Variants in MAP3K13 observed in about 807,000 individuals in gnomAD.
MAP3K13 encodes the protein leucine zipper-bearing kinase.
Under a neutral mutation model 104.0 loss-of-function variants are expected in MAP3K13, and 52 were observed. The observed-to-expected ratio is 0.50, with a 90% confidence interval of 0.40 to 0.63. The LOEUF (loss-of-function observed/expected upper bound fraction) is 0.63, where lower values mean the gene tolerates loss of function less well. Among genes scored for constraint, MAP3K13 ranks in the 20% least tolerant of loss-of-function variants. The pLI is 0.00. For missense variants in MAP3K13, 914 were observed against 1,218.5 expected, an observed-to-expected ratio of 0.75 and a Z score of 3.72; for synonymous variants, 394 against 442.2, an observed-to-expected ratio of 0.89 and a Z score of 1.37.
Position 185,434,843 on chromosome 3 carries a change from T to G in MAP3K13, c.476-2604T>G, listed in dbSNP as rs146112621. Among the ~76,000 whole-genome samples, 1,177 of 152,298 alleles carry G rather than the reference T, an allele frequency of 7.7e-3. 14 individuals carry two copies. Among genetic ancestry groups the G allele is most frequent in the African/African-American group, 0.026 (1,098 of 41,560 alleles). On this transcript the variant is annotated intron_variant, in intron 2 of 13. Coordinates refer to ENST00000265026, the MANE Select transcript of MAP3K13 (RefSeq NM_004721.5). ...CAGTCTAATTTTAGTAGTTATTTTA[T>G]TAAAAATTAGGGTAATTTGGGCTTG...
intron 2 of MAP3K13, among the ~76,000 whole-genome samples, chr3:185,344,127 T>C: frequency 6.6e-6 from 1 of 152,262 alleles, no homozygotes; most frequent in Non-Finnish European, 1.5e-5. Flanking sequence ...TTTGCATATG[T>C]TGATGGAGTA....
chr3:185,320,880 C>G (rs1236387458), intron 2 of MAP3K13, among the ~76,000 whole-genome samples: 2 of 152,226 alleles, frequency 1.3e-5, no homozygotes, highest in Middle Eastern at 3.4e-3. Flanking sequence ...ATACTGTGTA[C>G]TACACTTAAG....
intron 2 of MAP3K13, among the ~76,000 whole-genome samples, chr3:185,348,714 C>A (rs943946899): frequency 6.6e-6 from 1 of 152,046 alleles, no homozygotes; most frequent in Non-Finnish European, 1.5e-5. Flanking sequence ...ATCAAGAGAT[C>A]GAGACCATCC....
intron 1 of MAP3K13, among the ~76,000 whole-genome samples, chr3:185,388,467 A>G (rs1360243515): frequency 6.6e-6 from 1 of 152,140 alleles, no homozygotes; most frequent in Non-Finnish European, 1.5e-5. Context: ...ACAGCACTGC[A>G]CTCCAGCCTA....
intron 1 of MAP3K13, among the ~76,000 whole-genome samples, chr3:185,397,441 A>T (rs1203618815): frequency 6.6e-6 from 1 of 152,174 alleles, no homozygotes; most frequent in Non-Finnish European, 1.5e-5. Flanking sequence ...AAATCATTAA[A>T]CTACAAAATT....
chr3:185,477,870 G>C (rs546085962), intron 12 of MAP3K13, among the ~76,000 whole-genome samples: 2 of 152,258 alleles, frequency 1.3e-5, no homozygotes, highest in Admixed American at 6.5e-5. Context: ...CTGGCTTGCA[G>C]ACAGCCACCT....
At position 185,454,652 on chromosome 3, in the gene MAP3K13, TATATATATG is replaced by T. The variant is rs1560117150; in HGVS notation, c.1278+3268_1278+3276del. Among the ~76,000 whole-genome samples the T allele has an allele frequency of 5.3e-3, 209 of 39,326 alleles. 29 individuals carry two copies. Among genetic ancestry groups the T allele is most frequent in the African/African-American group, 0.014 (202 of 13,932 alleles). 25.8% of individuals were successfully genotyped at this position (39,326 alleles called of 152,430 possible). ...ATATATATATGAGATATATATATGA[TATATATATG>T]ATATATATGAGATATTTATATGATA... On this transcript the variant is annotated intron_variant, in intron 7 of 13. Transcript: ENST00000265026.
At chr3:185,295,280 A>C (rs1720880245) in intron 2 of MAP3K13, among the ~76,000 whole-genome samples, 1 of 152,028 alleles carries the variant, frequency 6.6e-6, no homozygotes. Flanking sequence ...ATCTTGGCTC[A>C]CTGCAACCTC....
At chr3:185,479,771 A>C (rs2148929821) in intron 12 of MAP3K13, among the ~76,000 whole-genome samples, 1 of 152,330 alleles carries the variant, frequency 6.6e-6, no homozygotes, top group Middle Eastern at 3.4e-3. Flanking sequence ...TCCAAGATCA[A>C]GGTGTCAGCA....
intron 2 of MAP3K13, among the ~76,000 whole-genome samples, chr3:185,338,978 T>C (rs941463337): frequency 6.6e-6 from 1 of 152,102 alleles, no homozygotes; most frequent in Admixed American, 6.6e-5. Context: ...GGAAACAAAA[T>C]AGTGTGGTAT....
chr3:185,464,408 G>A (rs1253100078), intron 8 of MAP3K13, among the ~76,000 whole-genome samples: 1 of 152,176 alleles, frequency 6.6e-6, no homozygotes, highest in African/African-American at 2.4e-5. Flanking sequence ...TCAAGAACCA[G>A]GTGGAGGTAA....
chr3:185,400,063 A>C (rs1250951537), intron 1 of MAP3K13, among the ~76,000 whole-genome samples: 1 of 152,144 alleles, frequency 6.6e-6, no homozygotes, highest in Non-Finnish European at 1.5e-5. Flanking sequence ...AAACAGAATC[A>C]TCTTTCAAAT....
intron 2 of MAP3K13, among the ~76,000 whole-genome samples, chr3:185,295,615 A>T (rs1373157567): frequency 1.3e-5 from 2 of 151,930 alleles, no homozygotes; most frequent in Admixed American, 1.3e-4. Flanking sequence ...TTTAAATATT[A>T]TTTTTTCCAA....
At chr3:185,454,218 TATATATATGATACATATATATGAG>T (rs1300858515) in intron 7 of MAP3K13, among the ~76,000 whole-genome samples, 3 of 30,700 alleles carry the variant, frequency 9.8e-5, no homozygotes, top group Non-Finnish European at 1.6e-4. Context: ...ATATATGAGA[TATATATATGATACATATATATGAG>T]ATATATATGA....
At chr3:185,471,611 C>G (rs905621849) in intron 10 of MAP3K13, among the ~76,000 whole-genome samples, 5 of 151,844 alleles carry the variant, frequency 3.3e-5, no homozygotes, top group African/African-American at 1.2e-4. Context: ...AGGCGCCCAC[C>G]ACCACGCCTG....
intron 1 of MAP3K13, among the ~76,000 whole-genome samples, chr3:185,376,381 A>G (rs915360402): frequency 2.0e-5 from 3 of 152,174 alleles, no homozygotes; most frequent in African/African-American, 7.2e-5. Context: ...GAGGGCCTCT[A>G]AAAGTATTAA....
At chr3:185,364,429 T>A (rs979055553) in intron 1 of MAP3K13, among the ~76,000 whole-genome samples, 9 of 152,220 alleles carry the variant, frequency 5.9e-5, no homozygotes, top group African/African-American at 2.2e-4. Flanking sequence ...CTGCAGCATG[T>A]ACCCAGTTGT....
At chr3:185,378,063 G>C (rs930772688) in intron 1 of MAP3K13, among the ~76,000 whole-genome samples, 3 of 152,168 alleles carry the variant, frequency 2.0e-5, no homozygotes, top group African/African-American at 7.2e-5. Flanking sequence ...TGGAGTTCTT[G>C]TGTGCTGGAG....
chr3:185,457,569 G>A (rs765637637), intron 7 of MAP3K13, among the ~76,000 whole-genome samples: 4 of 152,118 alleles, frequency 2.6e-5, no homozygotes, highest in Non-Finnish European at 4.4e-5. Context: ...CTGCCCTCAT[G>A]ACCTAATTAC....
Sources: allele counts gnomAD v4.1 joint callset (sites outside exome capture counted in the v4.1 genomes callset), GRCh38; gene constraint gnomAD v4.1.1; transcripts MANE v1.5; gene names NCBI Gene and HGNC (gene_info 2026-07-23, HGNC 2026-07-21).